The following WDR37 variants were observed in gnomAD, a reference collection of about 807,000 sequenced individuals.
The protein encoded by WDR37 is WD repeat-containing protein 37.
Under a neutral mutation model 62.9 loss-of-function variants are expected in WDR37, and 19 were observed. The observed-to-expected ratio is 0.30, with a 90% CI of 0.21 to 0.44. The LOEUF (loss-of-function observed/expected upper bound fraction) is 0.44. Among genes scored for constraint, WDR37 ranks in the 20% least tolerant of loss-of-function variants. The pLI, the probability that WDR37 is intolerant of heterozygous loss-of-function variation, is 1.00. For missense variants in WDR37, 474 were observed against 657.6 expected (o/e 0.72, Z 3.05); for synonymous variants, 250 against 260.9 (o/e 0.96, Z 0.40).
At chr10:1,089,393 G>C (rs951134784) in intron 7 of WDR37, among the ~76,000 whole-genome samples, 1 of 152,090 alleles carries the variant, frequency 6.6e-6, no homozygotes, top group South Asian at 2.1e-4. Context: ...GGGCCTGGGG[G>C]CCTCAGGGCT....
chr10:1,067,710 A>C (rs1210817969), intron 1 of WDR37, among the ~76,000 whole-genome samples: 1 of 152,226 alleles, frequency 6.6e-6, no homozygotes, highest in Non-Finnish European at 1.5e-5. Context: ...GTGAGATATT[A>C]CACACCTAAC....
In WDR37 at chr10:1,075,784, C is replaced by CTTTTTTT. The variant is rs11387795; in HGVS notation, c.139-2114_139-2108dup. ...TTATGTTTCATAGTTATTGGAACTT[C>CTTTTTTT]TTTTTTTTTTTTTTTGAGACGGAGT... On this transcript the variant is annotated intron_variant, in intron 2 of 13. Transcript: ENST00000263150. Among the ~76,000 whole-genome samples the CTTTTTTT allele has an allele frequency of 4.6e-3, 653 of 140,908 alleles. 8 individuals carry two copies. Among genetic ancestry groups the CTTTTTTT allele is most frequent in the African/African-American group, 0.016 (621 of 38,042 alleles). The allele number at this position is 140,908 out of a possible 152,430, so 92.4% of individuals were successfully genotyped here.
At chr10:1,069,389 A>ATTTTTTTTTTTTTTTT (rs377212232) in intron 1 of WDR37, among the ~76,000 whole-genome samples, 6 of 95,778 alleles carry the variant, frequency 6.3e-5, no homozygotes, top group South Asian at 3.8e-4. Flanking sequence ...ATATATATAT[A>ATTTTTTTTTTTTTTTT]TTTTTTTTTT....
intron 13 of WDR37, among the ~76,000 whole-genome samples, chr10:1,126,537 T>C (rs1488894235): frequency 1.3e-5 from 2 of 152,152 alleles, no homozygotes; most frequent in Admixed American, 1.3e-4. Context: ...TGGATACCTG[T>C]GTGAGTAAAT....
Position 1,056,664 on chromosome 10 carries a change from T to C in WDR37, c.-345T>C, listed in dbSNP as rs1328695514. On this transcript the variant is annotated 5_prime_UTR_variant, in exon 1 of 14. Coordinates refer to ENST00000263150, the MANE Select transcript of WDR37 (RefSeq NM_014023.4). ...CGTTGGCCCAGCAGCCGAAGGGGTCTTCAGCGCGCCCAGACCCCTCGGGGC... is the reference window on the plus strand; with the variant it reads ...CGTTGGCCCAGCAGCCGAAGGGGTCCTCAGCGCGCCCAGACCCCTCGGGGC... The C allele has an allele frequency of 7.2e-5, 11 of 152,208 alleles. No homozygotes were observed. Among genetic ancestry groups the C allele is most frequent in the African/African-American group, 2.4e-4 (10 of 41,448 alleles). 9.4% of individuals were successfully genotyped at this position (152,208 alleles called of 1,614,324 possible). A position where few individuals can be genotyped will look rare whatever the true frequency, so the allele number is the denominator to read the frequency against.
chr10:1,076,170 T>A (rs1180630126), intron 2 of WDR37, among the ~76,000 whole-genome samples: 1 of 152,060 alleles, frequency 6.6e-6, no homozygotes, highest in Non-Finnish European at 1.5e-5. Flanking sequence ...TTTAGAAGGA[T>A]GTTTAGAGGC....
intron 12 of WDR37, 132 bp from the exon 13 acceptor site, chr10:1,124,778 T>TCTCTTTTGA: frequency 8.3e-7 from 1 of 1,199,894 alleles, no homozygotes; most frequent in Non-Finnish European, 1.2e-6. Context: ...AAGCAGGTGG[T>TCTCTTTTGA]ACACGCAGTG....
At chr10:1,077,885 T>C (rs1205332490) in intron 2 of WDR37, 22 bp from the exon 3 acceptor site, 26 of 1,580,552 alleles carry the variant, frequency 1.6e-5, no homozygotes, top group African/African-American at 2.7e-5. Context: ...TCATTCATTT[T>C]AAACAAAGTC....
intron 11 of WDR37, among the ~76,000 whole-genome samples, chr10:1,106,953 A>G (rs1835042508): frequency 6.6e-6 from 1 of 152,204 alleles, no homozygotes; most frequent in Admixed American, 6.5e-5. Flanking sequence ...GGGGCATCAC[A>G]CGCATTAAAC....
At position 1,125,803 on chromosome 10, in the gene WDR37, G is replaced by T. The variant is rs1289293478; in HGVS notation, c.1353+779G>T. Among the ~76,000 whole-genome samples, 5 of 152,310 alleles carry T rather than the reference G, an allele frequency of 3.3e-5. No homozygotes were observed. The Middle Eastern group carries it at 0.01, about 311-fold the overall frequency. ...CTATGGCAGGCTGTTGCGACAGGAA[G>T]AAATATATTTAAATGTTAGTTTCTT... is the stretch of plus-strand genomic sequence containing the variant. On this transcript the variant is annotated intron_variant, in intron 13 of 13. Coordinates refer to ENST00000263150, the MANE Select transcript of WDR37 (RefSeq NM_014023.4).
In WDR37 at chr10:1,119,988, CAT is replaced by C. The variant is rs1264806256; in HGVS notation, c.1104-4229_1104-4228del. Among the ~76,000 whole-genome samples the C allele has an allele frequency of 6.6e-5, 10 of 152,340 alleles. No individual in the cohort carries two copies. In the South Asian group the frequency reaches 1.9e-3, roughly 28 times the overall value. ...AATTTGAAATTCTGAAAAAGAATCA[CAT>C]GTGATACATACTTGATTTTTGCTTT... On this transcript the variant is annotated intron_variant, in intron 11 of 13. Transcript: ENST00000263150.
chr10:1,124,352 G>A lies in WDR37; in HGVS notation c.1238G>A (p.Arg413Lys), dbSNP rs901739557. The A allele has an allele frequency of 6.2e-7, 1 of 1,614,042 alleles. No individual in the cohort carries two copies. The highest frequency in any genetic ancestry group is 1.3e-5 in the African/African-American group (1 of 74,934). The change falls in exon 12 of 14, where the codon AGG (arginine) becomes AAG (lysine). Residue 413 changes from arginine (R) to lysine (K), a missense_variant and splice_region_variant. Physicochemically the swap from Arg to Lys is conservative, Grantham distance 26. Transcript: ENST00000263150. ...ATTCGCACGGACTCTGCCATTAACA[G>A]GTAAAGTCAAACTGTTGGTTAAGTA... ...ATIRTDSAIN[R>K]INVCVGQKII...
chr10:1,120,747 C>T (rs5014941), intron 11 of WDR37, among the ~76,000 whole-genome samples: 19 of 152,170 alleles, frequency 1.2e-4, no homozygotes, highest in African/African-American at 4.6e-4. Context: ...GATGTCGTGC[C>T]GGAAAAGCAC....
At chr10:1,107,139 G>A (rs538552166) in intron 11 of WDR37, among the ~76,000 whole-genome samples, 4 of 152,248 alleles carry the variant, frequency 2.6e-5, no homozygotes, top group African/African-American at 4.8e-5. Context: ...GCCTGACCCC[G>A]CTGCAGGCCA....
intron 11 of WDR37, among the ~76,000 whole-genome samples, chr10:1,112,212 A>C (rs143154533): frequency 3.1e-3 from 465 of 152,306 alleles, no homozygotes; most frequent in East Asian, 5.4e-3. Context: ...CATTTTGGTC[A>C]TTCTCACAAT....
chr10:1,122,388 G>C (rs1449133043), intron 11 of WDR37, among the ~76,000 whole-genome samples: 1 of 152,184 alleles, frequency 6.6e-6, no homozygotes, highest in Admixed American at 6.5e-5. Context: ...TGTGCCCTGG[G>C]AGACAGTGTA....
At chr10:1,101,500 C>T (rs921210401) in intron 9 of WDR37, among the ~76,000 whole-genome samples, 2 of 152,196 alleles carry the variant, frequency 1.3e-5, no homozygotes, top group African/African-American at 4.8e-5. Context: ...TCCAAACAGC[C>T]CCATTCTGAG....
chr10:1,091,965 G>T (rs1834402890), intron 7 of WDR37, among the ~76,000 whole-genome samples: 1 of 147,068 alleles, frequency 6.8e-6, no homozygotes, highest in Non-Finnish European at 1.5e-5. Flanking sequence ...CGGATCACGA[G>T]GTCAGGAGAT....
chr10:1,102,115 T>C (rs1028100350), intron 9 of WDR37, among the ~76,000 whole-genome samples: 1 of 148,682 alleles, frequency 6.7e-6, no homozygotes, highest in African/African-American at 2.5e-5. Context: ...TGTGTTCCCG[T>C]GCTGCTGTGC....
Sources: gnomAD v4.1 joint callset for allele counts (sites outside exome capture counted in the v4.1 genomes callset) on GRCh38, gnomAD v4.1.1 for gene constraint, MANE v1.5 for transcripts, NCBI Gene and HGNC (gene_info 2026-07-23, HGNC 2026-07-21) for gene names.